Variants in MED12L observed in about 807,000 individuals in gnomAD.
MED12L encodes the protein mediator of RNA polymerase II transcription subunit 12-like protein.
A neutral mutation model predicts 281.3 loss-of-function variants in MED12L; 60 were observed. The ratio of observed to expected loss-of-function variants is 0.21; its 90% CI spans 0.17 to 0.26. The LOEUF (loss-of-function observed/expected upper bound fraction) is 0.26, where lower values mean the gene tolerates loss of function less well. Ranked by LOEUF, MED12L falls within the 10% of genes least tolerant of loss-of-function variation. MED12L has a pLI of 1.00. For missense variants in MED12L, 2,146 were observed against 2,680.9 expected, an observed-to-expected ratio of 0.80 and a Z score of 4.41; for synonymous variants, 974 against 987.2, an observed-to-expected ratio of 0.99 and a Z score of 0.25.
chr3:151,094,476 T>C (rs1234879423), intron 2 of MED12L, among the ~76,000 whole-genome samples: 5 of 152,196 alleles, frequency 3.3e-5, no homozygotes, highest in Admixed American at 3.3e-4. Flanking sequence ...GAGGGGACGC[T>C]CTTACCTCCT....
intron 16 of MED12L, among the ~76,000 whole-genome samples, chr3:151,341,291 T>C (rs1176963535): frequency 2.0e-5 from 3 of 152,182 alleles, no homozygotes; most frequent in Non-Finnish European, 4.4e-5. Flanking sequence ...TTCCTTCTAT[T>C]ATAAATTAGC....
chr3:151,434,631 T>TATC lies in MED12L; in HGVS notation c.*1828_*1830dup, dbSNP rs1461759501. The TATC allele has an allele frequency of 6.6e-6, 1 of 152,242 alleles. No homozygotes were observed. The highest frequency in any genetic ancestry group is 1.5e-5 in the Non-Finnish European group (1 of 68,032). The allele number at this position is 152,242 out of a possible 1,614,324, so 9.4% of individuals were successfully genotyped here. ...TGAAGTTGTTTTCTTCAAAGTAATA[T>TATC]ATCTATATAATGACTGCATTGGCAA... On this transcript the variant is annotated 3_prime_UTR_variant, in exon 45 of 45. Coordinates refer to ENST00000687756, the MANE Select transcript of MED12L (RefSeq NM_001393769.1).
rs59004550 is a variant in MED12L at position 151,133,387 on chromosome 3, G to T, written c.556+5403G>T. On this transcript the variant is annotated intron_variant, in intron 5 of 44. Transcript: ENST00000687756. ...AATGGGTTGCTGCCCTGGGGAGCTT[G>T]CAGTCAGCAAAGATGTACCCAGTAC... 2.6e-3 allele frequency among the ~76,000 whole-genome samples: 402 copies of T among 152,292 alleles called. 5 individuals are homozygous for T. The East Asian group carries it at 0.03, about 11-fold the overall frequency.
At chr3:151,242,638 A>G (rs962280103) in intron 16 of MED12L, among the ~76,000 whole-genome samples, 18 of 152,236 alleles carry the variant, frequency 1.2e-4, no homozygotes, top group Non-Finnish European at 2.4e-4. Context: ...ATCAAAGACC[A>G]AAAGTAGATA....
chr3:151,091,184 G>A (rs1185413579), intron 2 of MED12L, among the ~76,000 whole-genome samples: 1 of 152,190 alleles, frequency 6.6e-6, no homozygotes, highest in Non-Finnish European at 1.5e-5. Flanking sequence ...GAGCTGTAGA[G>A]CCCCACCAGC....
chr3:151,356,756 T>A (rs1022387102), intron 19 of MED12L, among the ~76,000 whole-genome samples: 2 of 152,238 alleles, frequency 1.3e-5, no homozygotes, highest in Admixed American at 1.3e-4. Flanking sequence ...TGATTTGATT[T>A]GCCCCACTGT....
intron 16 of MED12L, among the ~76,000 whole-genome samples, chr3:151,243,017 C>T (rs1013016118): frequency 2.4e-4 from 36 of 151,080 alleles, no homozygotes; most frequent in Non-Finnish European, 3.5e-4. Flanking sequence ...AGGGTATCAG[C>T]GATGGAAGAT....
intron 16 of MED12L, among the ~76,000 whole-genome samples, chr3:151,232,345 C>A (rs989803149): frequency 2.0e-5 from 3 of 152,186 alleles, no homozygotes; most frequent in African/African-American, 4.8e-5. Context: ...GCAACCTTGC[C>A]AGCATCTGTT....
In MED12L at chr3:151,191,370, T is replaced by C. The variant is rs940099081; in HGVS notation, c.1968+439T>C. Among the ~76,000 whole-genome samples, 3 of 152,254 alleles carry C rather than the reference T, an allele frequency of 2.0e-5. No individual in the cohort carries two copies. In the South Asian group the frequency reaches 6.2e-4, roughly 31 times the overall value. On this transcript the variant is annotated intron_variant, in intron 14 of 44. Coordinates refer to ENST00000687756, the MANE Select transcript of MED12L (RefSeq NM_001393769.1). ...TTTATTCATAATGGGAAATTCTTTG[T>C]TAGTCACAACACATATTTTCATTTC...
At chr3:151,105,869 CT>C (rs570560187) in intron 2 of MED12L, among the ~76,000 whole-genome samples, 133 of 152,316 alleles carry the variant, frequency 8.7e-4, no homozygotes, top group Non-Finnish European at 1.6e-3. Context: ...AACTTGTGAT[CT>C]GCTCCCCTTC....
At chr3:151,396,583 G>T (rs143707430) in intron 39 of MED12L, among the ~76,000 whole-genome samples, 1 of 152,146 alleles carries the variant, frequency 6.6e-6, no homozygotes, top group African/African-American at 2.4e-5. Flanking sequence ...CCGAGATCAC[G>T]CCACTGCACT....
intron 37 of MED12L, among the ~76,000 whole-genome samples, chr3:151,389,447 A>G (rs562209162): frequency 6.6e-6 from 1 of 152,276 alleles, no homozygotes; most frequent in Admixed American, 6.5e-5. Context: ...TGTGATCCTT[A>G]CAGGCTTTGC....
At chr3:151,293,943 C>A in intron 16 of MED12L, 1 of 515,264 alleles carries the variant, frequency 1.9e-6, no homozygotes. Context: ...TGCCCTTTCA[C>A]TCTGCTCCTC....
chr3:151,203,502 TAAAG>T (rs1239948285), intron 16 of MED12L, among the ~76,000 whole-genome samples: 11 of 152,076 alleles, frequency 7.2e-5, no homozygotes, highest in Middle Eastern at 3.4e-3. Context: ...GATTAATAAT[TAAAG>T]ATATAAGGTG....
intron 39 of MED12L, among the ~76,000 whole-genome samples, chr3:151,399,667 T>C (rs1030741069): frequency 6.6e-6 from 1 of 152,226 alleles, no homozygotes; most frequent in Non-Finnish European, 1.5e-5. Flanking sequence ...TTGGTTATAA[T>C]GCAAAATGCT....
chr3:151,311,750 G>A (rs1037130189), intron 16 of MED12L, among the ~76,000 whole-genome samples: 1 of 152,156 alleles, frequency 6.6e-6, no homozygotes, highest in Non-Finnish European at 1.5e-5. Context: ...TTTTAGGCCA[G>A]GCGTGGTGGC....
At chr3:151,168,555 A>T (rs1389203250) in intron 11 of MED12L, among the ~76,000 whole-genome samples, 2 of 152,212 alleles carry the variant, frequency 1.3e-5, no homozygotes, top group Non-Finnish European at 2.9e-5. Context: ...TGCCCCATTT[A>T]GCAGTAATTA....
chr3:151,251,896 G>T (rs962555665), intron 16 of MED12L, among the ~76,000 whole-genome samples: 24 of 152,060 alleles, frequency 1.6e-4, no homozygotes, highest in African/African-American at 5.8e-4. Context: ...TATGTACATG[G>T]AATCACCTTA....
intron 23 of MED12L, among the ~76,000 whole-genome samples, chr3:151,367,106 C>T (rs1234689118): frequency 3.2e-5 from 2 of 62,078 alleles, no homozygotes; most frequent in Admixed American, 1.6e-4. Flanking sequence ...GAATTAATTT[C>T]CCCCTCTGTC....
Sources: allele counts gnomAD v4.1 joint callset (sites outside exome capture counted in the v4.1 genomes callset), GRCh38; gene constraint gnomAD v4.1.1; transcripts MANE v1.5; gene names NCBI Gene and HGNC (gene_info 2026-07-23, HGNC 2026-07-21).